The following TMEM108 variants were observed in gnomAD, a reference collection of about 807,000 sequenced individuals.
TMEM108 encodes cancer/testis antigen 124.
A neutral mutation model predicts 35.1 loss-of-function variants in TMEM108; 12 were observed. That is an observed-to-expected ratio of 0.34 (90% CI 0.22 to 0.55). The LOEUF (loss-of-function observed/expected upper bound fraction) is 0.55, where lower values mean the gene tolerates loss of function less well. TMEM108 is among the 20% of genes least tolerant of loss of function. The pLI is 0.89. For synonymous variants in TMEM108, 287 were observed against 308.6 expected (o/e 0.93, Z 0.73); for missense variants, 680 against 753.3 (o/e 0.90, Z 1.14).
intron 2 of TMEM108, among the ~76,000 whole-genome samples, chr3:133,099,824 TCAAAGC>T (rs1197806267): frequency 6.6e-6 from 1 of 152,220 alleles, no homozygotes; most frequent in Non-Finnish European, 1.5e-5. Flanking sequence ...AGCATTTTTG[TCAAAGC>T]CATTCAACAA....
At chr3:133,099,907 G>C (rs1315808380) in intron 2 of TMEM108, among the ~76,000 whole-genome samples, 3 of 152,116 alleles carry the variant, frequency 2.0e-5, no homozygotes, top group Non-Finnish European at 4.4e-5. Flanking sequence ...AAGTGTTCCA[G>C]CCTCTGCCTG....
At chr3:133,154,482 C>A (rs1360130354) in intron 2 of TMEM108, among the ~76,000 whole-genome samples, 1 of 152,056 alleles carries the variant, frequency 6.6e-6, no homozygotes, top group East Asian at 1.9e-4. Flanking sequence ...CAACGATAGA[C>A]TGGATTAAGA....
intron 3 of TMEM108, among the ~76,000 whole-genome samples, chr3:133,283,845 G>A (rs1455752779): frequency 1.3e-5 from 2 of 152,170 alleles, no homozygotes; most frequent in African/African-American, 4.8e-5. Context: ...CATATGCCAC[G>A]TATTTAGTGT....
At chr3:133,124,311 G>T (rs1027869203) in intron 2 of TMEM108, among the ~76,000 whole-genome samples, 1 of 152,190 alleles carries the variant, frequency 6.6e-6, no homozygotes, top group African/African-American at 2.4e-5. Context: ...AAGGTGTGAC[G>T]TACATGGCAA....
intron 3 of TMEM108, among the ~76,000 whole-genome samples, chr3:133,361,059 T>G (rs1181847349): frequency 6.6e-6 from 1 of 152,222 alleles, no homozygotes; most frequent in Non-Finnish European, 1.5e-5. Flanking sequence ...CTCTTCATAC[T>G]GGACATAGGA....
At chr3:133,038,898 G>C (rs1036484126) in intron 1 of TMEM108, among the ~76,000 whole-genome samples, 3 of 152,226 alleles carry the variant, frequency 2.0e-5, no homozygotes, top group Admixed American at 6.5e-5. Flanking sequence ...CTGCGGCCGC[G>C]AGCGGAGCCG....
At chr3:133,249,884 C>T (rs1002360713) in intron 3 of TMEM108, among the ~76,000 whole-genome samples, 3 of 152,062 alleles carry the variant, frequency 2.0e-5, no homozygotes, top group Admixed American at 2.0e-4. Context: ...GACTATCATG[C>T]ATATAATAGA....
At chr3:133,114,313 CT>C (rs2107727627) in intron 2 of TMEM108, among the ~76,000 whole-genome samples, 1 of 152,218 alleles carries the variant, frequency 6.6e-6, no homozygotes, top group East Asian at 1.9e-4. Flanking sequence ...CTATAAAACC[CT>C]AGAATCTATG....
At chr3:133,317,904 A>G (rs892629812) in intron 3 of TMEM108, among the ~76,000 whole-genome samples, 6 of 152,348 alleles carry the variant, frequency 3.9e-5, no homozygotes, top group Non-Finnish European at 4.4e-5. Flanking sequence ...AAAAAAATGT[A>G]AAGCCAGAAA....
At chr3:133,300,789 G>A (rs539349082) in intron 3 of TMEM108, among the ~76,000 whole-genome samples, 13 of 152,054 alleles carry the variant, frequency 8.5e-5, no homozygotes, top group East Asian at 5.8e-4. Flanking sequence ...AAAGGAGATG[G>A]GGGGTGGGAG....
chr3:133,349,276 T>C (rs1276413918), intron 3 of TMEM108, among the ~76,000 whole-genome samples: 1 of 152,070 alleles, frequency 6.6e-6, no homozygotes, highest in African/African-American at 2.4e-5. Flanking sequence ...AAATCTAGGG[T>C]TGAATGCTGG....
chr3:133,178,461 A>G (rs1945273969), intron 2 of TMEM108, among the ~76,000 whole-genome samples: 1 of 152,020 alleles, frequency 6.6e-6, no homozygotes, highest in Non-Finnish European at 1.5e-5. Flanking sequence ...CAAAACAGAG[A>G]TATAGACCAA....
intron 2 of TMEM108, among the ~76,000 whole-genome samples, chr3:133,150,777 G>A (rs543686830): frequency 1.6e-4 from 24 of 152,198 alleles, no homozygotes; most frequent in African/African-American, 2.6e-4. Context: ...GTCTGATGGC[G>A]CAGTGAACAT....
chr3:133,099,198 A>C (rs1338937405), intron 2 of TMEM108, among the ~76,000 whole-genome samples: 1 of 152,202 alleles, frequency 6.6e-6, no homozygotes, highest in African/African-American at 2.4e-5. Context: ...GCCAAGGCTT[A>C]GGGAATCCAC....
At chr3:133,169,509 T>G (rs1285114336) in intron 2 of TMEM108, among the ~76,000 whole-genome samples, 13 of 152,264 alleles carry the variant, frequency 8.5e-5, no homozygotes. Flanking sequence ...GCTGCAGATT[T>G]CTGAGCCTCA....
At chr3:133,084,336 A>G (rs1331202192) in intron 2 of TMEM108, among the ~76,000 whole-genome samples, 5 of 152,198 alleles carry the variant, frequency 3.3e-5, no homozygotes, top group Non-Finnish European at 7.3e-5. Flanking sequence ...TACTGTCACT[A>G]GAACAATCAG....
At chr3:133,124,323 A>T (rs914292907) in intron 2 of TMEM108, among the ~76,000 whole-genome samples, 1 of 152,244 alleles carries the variant, frequency 6.6e-6, no homozygotes, top group Admixed American at 6.5e-5. Context: ...ACATGGCAAA[A>T]TGGGATAAAC....
At chr3:133,104,659 A>G (rs1308266361) in intron 2 of TMEM108, among the ~76,000 whole-genome samples, 2 of 152,118 alleles carry the variant, frequency 1.3e-5, no homozygotes, top group African/African-American at 4.8e-5. Flanking sequence ...GCCTCCTGGG[A>G]TCCATCAGGG....
At chr3:133,130,217 A>G (rs1316812994) in intron 2 of TMEM108, among the ~76,000 whole-genome samples, 5 of 152,162 alleles carry the variant, frequency 3.3e-5, no homozygotes, top group Non-Finnish European at 7.3e-5. Context: ...AAGGGATGAC[A>G]TTTGCATTCA....
Sources: allele counts gnomAD v4.1 joint callset (sites outside exome capture counted in the v4.1 genomes callset), GRCh38; gene constraint gnomAD v4.1.1; transcripts MANE v1.5; gene names NCBI Gene and HGNC (gene_info 2026-07-23, HGNC 2026-07-21).